Variants in ZNRF1 observed in about 807,000 individuals in gnomAD.
ZNRF1 encodes E3 ubiquitin-protein ligase ZNRF1.
Under a neutral mutation model 18.4 loss-of-function variants are expected in ZNRF1, and 3 were observed. That is an observed-to-expected ratio of 0.16 (90% CI 0.07 to 0.42). The LOEUF (loss-of-function observed/expected upper bound fraction) is 0.42, where lower values mean the gene tolerates loss of function less well. ZNRF1 is among the 10% of genes least tolerant of loss of function. The probability of loss-of-function intolerance (pLI) is 0.99; values close to 1 mark genes in which losing one functional copy is unlikely to be tolerated. For synonymous variants in ZNRF1, 157 were observed against 144.2 expected (o/e 1.09, Z -0.64); for missense variants, 310 against 329.8 (o/e 0.94, Z 0.47).
intron 1 of ZNRF1, among the ~76,000 whole-genome samples, chr16:75,025,153 T>C (rs1170809204): frequency 6.6e-6 from 1 of 152,122 alleles, no homozygotes; most frequent in Non-Finnish European, 1.5e-5. Flanking sequence ...CTGCAAGCTC[T>C]GCCTCCCGGG....
At position 74,999,754 on chromosome 16, in the gene ZNRF1, C is replaced by T. The variant is rs1347549606; in HGVS notation, c.83C>T (p.Pro28Leu). 2.9e-6 allele frequency: 4 copies of T among 1,392,560 alleles called. No individual in the cohort carries two copies. Among genetic ancestry groups the T allele is most frequent in the Non-Finnish European group, 3.7e-6 (4 of 1,079,876 alleles). The allele number at this position is 1,392,560 out of a possible 1,614,324, so 86.3% of individuals were successfully genotyped here. A position where few individuals can be genotyped will look rare whatever the true frequency, so the allele number is the denominator to read the frequency against. ...VSTDDSAVPP[P>L]GGAPHFGHYR... The stretch of plus-strand genomic sequence containing the variant: ...ACCGATGACAGCGCCGTGCCGCCGC[C>T]GGGAGGGGCGCCCCATTTCGGGCAC... The change falls in exon 1 of 5, where the codon CCG becomes CTG. Residue 28 changes from proline to leucine, a missense_variant. By Grantham distance (98) the Pro-to-Leu change is moderately conservative. Transcript: ENST00000335325.
chr16:75,025,369 A>G (rs1440167257), intron 1 of ZNRF1, among the ~76,000 whole-genome samples: 1 of 151,966 alleles, frequency 6.6e-6, no homozygotes, highest in Non-Finnish European at 1.5e-5. Context: ...CGCCTGGCCT[A>G]TTTTATTTTG....
chr16:75,024,726 G>GAAA (rs2035198590), intron 1 of ZNRF1, among the ~76,000 whole-genome samples: 1 of 152,246 alleles, frequency 6.6e-6, no homozygotes, highest in Admixed American at 6.5e-5. Flanking sequence ...CTGTGCAGAA[G>GAAA]CAGAAGACAA....
At chr16:75,048,538 A>G (rs2035545777) in intron 1 of ZNRF1, among the ~76,000 whole-genome samples, 1 of 152,202 alleles carries the variant, frequency 6.6e-6, no homozygotes, top group Non-Finnish European at 1.5e-5. Flanking sequence ...AATGCTCTTA[A>G]AATTTCGCCT....
At chr16:75,040,042 C>CTTTTTT (rs57122648) in intron 1 of ZNRF1, among the ~76,000 whole-genome samples, 18 of 78,846 alleles carry the variant, frequency 2.3e-4, no homozygotes, top group Admixed American at 5.6e-4. Flanking sequence ...TCTTTTCTTT[C>CTTTTTT]TTTTTTTTTT....
chr16:75,103,871 G>C (rs538563815), intron 2 of ZNRF1, among the ~76,000 whole-genome samples: 1 of 152,146 alleles, frequency 6.6e-6, no homozygotes, highest in East Asian at 1.9e-4. Context: ...TGTAATCCTA[G>C]CTACTCGGGA....
chr16:75,079,946 C>T (rs1048640245), intron 1 of ZNRF1, among the ~76,000 whole-genome samples: 2 of 152,288 alleles, frequency 1.3e-5, no homozygotes, highest in Admixed American at 1.3e-4. Context: ...GACGGAGTCT[C>T]ACTCTGCCGC....
At chr16:75,009,507 G>C (rs748667142) in intron 1 of ZNRF1, among the ~76,000 whole-genome samples, 1 of 152,102 alleles carries the variant, frequency 6.6e-6, no homozygotes, top group Non-Finnish European at 1.5e-5. Flanking sequence ...TGTCTACCAC[G>C]TTTTACTTTT....
At chr16:75,073,608 C>T (rs986030236) in intron 1 of ZNRF1, among the ~76,000 whole-genome samples, 1 of 152,102 alleles carries the variant, frequency 6.6e-6, no homozygotes, top group East Asian at 1.9e-4. Context: ...CACAAATGGC[C>T]TGGTGCTACG....
At chr16:75,054,078 T>TC (rs1460960630) in intron 1 of ZNRF1, among the ~76,000 whole-genome samples, 4 of 152,344 alleles carry the variant, frequency 2.6e-5, no homozygotes, top group Middle Eastern at 3.4e-3. Context: ...CCCTTTGTAC[T>TC]CCCCCAAGGC....
intron 1 of ZNRF1, among the ~76,000 whole-genome samples, chr16:75,089,620 A>T (rs1047365592): frequency 3.3e-5 from 5 of 152,228 alleles, no homozygotes; most frequent in African/African-American, 9.6e-5. Context: ...GATTTGAAGC[A>T]GAGAACCCTG....
chr16:75,030,833 C>CTT lies in ZNRF1; in HGVS notation c.424+30759_424+30760dup, dbSNP rs59468839. On this transcript the variant is annotated intron_variant, in intron 1 of 4. Coordinates refer to ENST00000335325, the MANE Select transcript of ZNRF1 (RefSeq NM_032268.5). ...CATTGTAGCATGCAGCACTTTATTC[C>CTT]TTTTTTTTTTTTTTTTTTTTTTGTT... Among the ~76,000 whole-genome samples the CTT allele has an allele frequency of 1.8e-3, 162 of 91,420 alleles. 1 individual carries two copies. Among genetic ancestry groups the CTT allele is most frequent in the African/African-American group, 5.0e-3 (139 of 27,722 alleles). 60.0% of individuals were successfully genotyped at this position (91,420 alleles called of 152,430 possible).
chr16:75,010,124 A>G (rs1205024017), intron 1 of ZNRF1, among the ~76,000 whole-genome samples: 1 of 152,030 alleles, frequency 6.6e-6, no homozygotes, highest in Non-Finnish European at 1.5e-5. Context: ...CTGGGATTAT[A>G]GGCGCCTACC....
intron 1 of ZNRF1, among the ~76,000 whole-genome samples, chr16:75,045,902 T>A (rs955808607): frequency 1.3e-5 from 2 of 151,876 alleles, no homozygotes; most frequent in South Asian, 2.1e-4. Context: ...GTTTGCTTTT[T>A]TTTTTATTTT....
At chr16:75,048,494 G>A (rs1310318334) in intron 1 of ZNRF1, among the ~76,000 whole-genome samples, 1 of 152,126 alleles carries the variant, frequency 6.6e-6, no homozygotes, top group Non-Finnish European at 1.5e-5. Context: ...GGGCATCCTT[G>A]TTTTGTTCCT....
chr16:75,080,164 C>T lies in ZNRF1; in HGVS notation c.425-13408C>T, dbSNP rs942927126. 2.6e-5 allele frequency among the ~76,000 whole-genome samples: 4 copies of T among 152,212 alleles called. No individual in the cohort carries two copies. The South Asian group carries it at 6.2e-4, about 24-fold the overall frequency. On this transcript the variant is annotated intron_variant, in intron 1 of 4. Transcript: ENST00000335325. ...CTCCTGACCTGAGGTGATCTGCCCA[C>T]CTTGGCCTCCCAAAGTGCTGGGATT...
At position 75,003,330 on chromosome 16, in the gene ZNRF1, A is replaced by G. The variant is rs79758827; in HGVS notation, c.424+3235A>G. ...ACTTTTTTCTGTGTATGGTTTGCCT[A>G]AAGTCTAAGCTCCGTGAGAGCAGGA... On this transcript the variant is annotated intron_variant, in intron 1 of 4. Coordinates refer to ENST00000335325, the MANE Select transcript of ZNRF1 (RefSeq NM_032268.5). Among the ~76,000 whole-genome samples the G allele has an allele frequency of 8.3e-4, 126 of 152,342 alleles. 3 individuals carry two copies. In the East Asian group the frequency reaches 0.02, roughly 24 times the overall value.
intron 1 of ZNRF1, among the ~76,000 whole-genome samples, chr16:75,029,305 C>T (rs1006373646): frequency 2.0e-5 from 3 of 152,042 alleles, no homozygotes; most frequent in South Asian, 2.1e-4. Context: ...CACCACCATG[C>T]CCGGCTAATT....
chr16:75,010,715 TTTTG>T lies in ZNRF1; in HGVS notation c.424+10624_424+10627del, dbSNP rs1186079123. Among the ~76,000 whole-genome samples, 74 of 56,614 alleles carry T rather than the reference TTTTG, an allele frequency of 1.3e-3. 1 individual carries two copies. Among genetic ancestry groups the T allele is most frequent in the Non-Finnish European group, 2.7e-3 (48 of 17,834 alleles). 37.1% of individuals were successfully genotyped at this position (56,614 alleles called of 152,430 possible). ...TGTACTGTACTGTTTTTTTTTGTTT[TTTTG>T]TTTTTTTTTTTTTGAGGAGTCTCGC... On this transcript the variant is annotated intron_variant, in intron 1 of 4. Transcript: ENST00000335325.
Sources: gnomAD v4.1 joint callset for allele counts (sites outside exome capture counted in the v4.1 genomes callset) on GRCh38, gnomAD v4.1.1 for gene constraint, MANE v1.5 for transcripts, NCBI Gene and HGNC (gene_info 2026-07-23, HGNC 2026-07-21) for gene names.